Variants in TRPM3 observed in about 807,000 individuals in gnomAD.
TRPM3 encodes long transient receptor potential channel 3.
Under a neutral mutation model 181.2 loss-of-function variants are expected in TRPM3, and 77 were observed. The observed-to-expected ratio is 0.42, with a 90% confidence interval of 0.35 to 0.51. TRPM3 has a LOEUF of 0.51. TRPM3 is among the 20% of genes least tolerant of loss of function. TRPM3 has a pLI of 0.01. For synonymous variants in TRPM3, 745 were observed against 796.4 expected, an observed-to-expected ratio of 0.94 and a Z score of 1.09; for missense variants, 1,759 against 2,196.7, an observed-to-expected ratio of 0.80 and a Z score of 3.98.
In TRPM3 at chr9:70,686,825, C is replaced by CTTT. The variant is rs541527387; in HGVS notation, c.1273-5250_1273-5248dup. Reference sequence around the variant, plus strand: ...TCCCTCTTTCTTTTCTTTTCTTTTTCTTTTTTTTTTTCTTTTTTGAGACAG... The same window carrying CTTT: ...TCCCTCTTTCTTTTCTTTTCTTTTTCTTTTTTTTTTTTTTCTTTTTTGAGACAG... On this transcript the variant is annotated intron_variant, in intron 8 of 25. Transcript: ENST00000677713. Among the ~76,000 whole-genome samples, 67 of 74,994 alleles carry CTTT rather than the reference C, an allele frequency of 8.9e-4. 13 individuals carry two copies. Among genetic ancestry groups the CTTT allele is most frequent in the South Asian group, 1.1e-3 (2 of 1,810 alleles). The allele number at this position is 74,994 out of a possible 152,430, so 49.2% of individuals were successfully genotyped here. A position where few individuals can be genotyped will look rare whatever the true frequency, so the allele number is the denominator to read the frequency against.
intron 1 of TRPM3, among the ~76,000 whole-genome samples, chr9:71,032,776 G>A (rs1005340538): frequency 1.3e-5 from 2 of 152,108 alleles, no homozygotes; most frequent in Non-Finnish European, 2.9e-5. Flanking sequence ...ACCACCATGG[G>A]TTCTCAACAA....
At chr9:71,211,117 T>C (rs1291265358) in intron 1 of TRPM3, among the ~76,000 whole-genome samples, 1 of 152,154 alleles carries the variant, frequency 6.6e-6, no homozygotes, top group African/African-American at 2.4e-5. Context: ...TTGAGGGTGT[T>C]GCTCCTATTC....
At chr9:71,046,985 G>A (rs1023604738) in intron 1 of TRPM3, among the ~76,000 whole-genome samples, 9 of 152,122 alleles carry the variant, frequency 5.9e-5, no homozygotes, top group African/African-American at 2.2e-4. Context: ...TGCCAAAATA[G>A]TCTTACCTTT....
intron 9 of TRPM3, among the ~76,000 whole-genome samples, chr9:70,678,583 A>G (rs1934474): frequency 0.87 from 132,556 of 152,234 alleles, 57,885 homozygotes; most frequent in Non-Finnish European, 0.91. Flanking sequence ...TGGTCACCTG[A>G]TTTCCTGTCC....
intron 1 of TRPM3, among the ~76,000 whole-genome samples, chr9:71,143,967 G>GT (rs1281730522): frequency 3.9e-5 from 6 of 152,028 alleles, no homozygotes; most frequent in African/African-American, 7.2e-5. Flanking sequence ...CCATATGATT[G>GT]TTGGCCACAT....
chr9:70,566,563 A>G (rs558990675), intron 22 of TRPM3, among the ~76,000 whole-genome samples: 1 of 152,220 alleles, frequency 6.6e-6, no homozygotes, highest in East Asian at 1.9e-4. Context: ...TATTGGATTT[A>G]TTAAAGAAAC....
intron 1 of TRPM3, among the ~76,000 whole-genome samples, chr9:70,947,887 A>G (rs2096952625): frequency 6.6e-6 from 1 of 152,138 alleles, no homozygotes; most frequent in Admixed American, 6.5e-5. Context: ...AGGTATTCCT[A>G]GGTTTCTTGC....
chr9:71,282,269 AGAGAAAGAAAGAAAAG>A (rs2084849679), intron 1 of TRPM3, among the ~76,000 whole-genome samples: 1 of 54,690 alleles, frequency 1.8e-5, no homozygotes, highest in African/African-American at 5.6e-5. Flanking sequence ...GGAAAGAAAG[AGAGAAAGAAAGAAAAG>A]AAAGAAAGAA....
chr9:70,667,496 G>A (rs75902780), intron 9 of TRPM3, among the ~76,000 whole-genome samples: 1,608 of 152,096 alleles, frequency 0.011, 22 homozygotes, highest in African/African-American at 0.037. Context: ...TCAGTGTTGT[G>A]GCCCAGGTCT....
chr9:70,825,660 G>A (rs1027337726), intron 6 of TRPM3: 1 of 152,382 alleles, frequency 6.6e-6, no homozygotes, highest in African/African-American at 2.4e-5. Flanking sequence ...CTCTTCAGCT[G>A]CGTGCTGTTG....
rs116162794 is a variant in TRPM3 at position 70,900,070 on chromosome 9, T to A, written c.178-35559A>T. The stretch of plus-strand genomic sequence containing the variant: ...AGAAAGGACCTTAAAAATAAATTCA[T>A]TGGAAAAGAAAAATCAAGTTCCAAG... On this transcript the variant is annotated intron_variant, in intron 1 of 25. Transcript: ENST00000677713. Among the ~76,000 whole-genome samples the A allele has an allele frequency of 8.3e-3, 1,270 of 152,276 alleles. 16 individuals carry two copies. Among genetic ancestry groups the A allele is most frequent in the African/African-American group, 0.029 (1,209 of 41,560 alleles).
At chr9:71,171,766 G>A (rs1221334444) in intron 1 of TRPM3, among the ~76,000 whole-genome samples, 1 of 152,172 alleles carries the variant, frequency 6.6e-6, no homozygotes, top group Non-Finnish European at 1.5e-5. Flanking sequence ...ACCAGGAGGT[G>A]TCGTTCATAT....
intron 1 of TRPM3, among the ~76,000 whole-genome samples, chr9:70,986,932 G>A (rs1343875453): frequency 6.6e-6 from 1 of 151,596 alleles, no homozygotes; most frequent in Admixed American, 6.6e-5. Flanking sequence ...TTCCATATCT[G>A]TGCTGTATCT....
chr9:71,155,480 A>ATTTTT (rs1334858687), intron 1 of TRPM3, among the ~76,000 whole-genome samples: 12 of 33,656 alleles, frequency 3.6e-4, no homozygotes, highest in Non-Finnish European at 8.1e-4. Context: ...CACCATGCTT[A>ATTTTT]TTTTTATTTT....
chr9:70,637,810 A>G (rs937344745), intron 11 of TRPM3, among the ~76,000 whole-genome samples: 2 of 152,082 alleles, frequency 1.3e-5, no homozygotes, highest in Non-Finnish European at 2.9e-5. Flanking sequence ...TTCGGTACTT[A>G]CTGGCTTTCT....
chr9:70,946,641 A>G (rs2096936634), intron 1 of TRPM3, among the ~76,000 whole-genome samples: 1 of 152,122 alleles, frequency 6.6e-6, no homozygotes, highest in African/African-American at 2.4e-5. Flanking sequence ...TTCACACATT[A>G]AACATATTCA....
intron 22 of TRPM3, among the ~76,000 whole-genome samples, chr9:70,559,973 T>C (rs537774452): frequency 6.6e-6 from 1 of 152,296 alleles, no homozygotes; most frequent in African/African-American, 2.4e-5. Flanking sequence ...GCTTTAAAAA[T>C]GGTGCTTTCC....
chr9:70,618,299 C>T (rs1293066532), intron 17 of TRPM3, among the ~76,000 whole-genome samples: 1 of 152,230 alleles, frequency 6.6e-6, no homozygotes, highest in East Asian at 1.9e-4. Flanking sequence ...CATAACTATA[C>T]ATAGACACAT....
intron 1 of TRPM3, among the ~76,000 whole-genome samples, chr9:71,071,180 C>G (rs1381006408): frequency 6.6e-6 from 1 of 152,188 alleles, no homozygotes; most frequent in Non-Finnish European, 1.5e-5. Flanking sequence ...ATGTACATTT[C>G]TGGGCCATCT....
Sources: allele counts gnomAD v4.1 joint callset (sites outside exome capture counted in the v4.1 genomes callset), GRCh38; gene constraint gnomAD v4.1.1; transcripts MANE v1.5; gene names NCBI Gene and HGNC (gene_info 2026-07-23, HGNC 2026-07-21).